The following TBX10 variants were observed in gnomAD, a reference collection of about 807,000 sequenced individuals.
TBX10 encodes T-box transcription factor 10, also known as T-box transcription factor TBX10.
In TBX10, 26 loss-of-function variants were observed where a neutral mutation model predicts 32.4. The observed-to-expected ratio is 0.80, with a 90% confidence interval of 0.59 to 1.11. TBX10 has a LOEUF of 1.11. Among genes scored for constraint, TBX10 ranks in the 50% most tolerant of loss-of-function variants. The pLI is 0.00. For missense variants in TBX10, 490 were observed against 494.5 expected, an observed-to-expected ratio of 0.99 and a Z score of 0.09; for synonymous variants, 195 against 203.1, an observed-to-expected ratio of 0.96 and a Z score of 0.34.
At position 67,639,436 on chromosome 11, in the gene TBX10, A is replaced by T; in HGVS notation, c.7+30T>A. On this transcript the variant is annotated intron_variant, in intron 1 of 7. Transcript: ENST00000335385. Reference sequence around the variant, plus strand: ...CCCTGGAACCTGAGCCTGACCCATGAGGCCACCTCTGCTTCAGAACGTAGC... The same window carrying T: ...CCCTGGAACCTGAGCCTGACCCATGTGGCCACCTCTGCTTCAGAACGTAGC... 2.7e-6 allele frequency: 4 copies of T among 1,476,174 alleles called. No homozygotes were observed. In the South Asian group the frequency reaches 4.5e-5, roughly 17 times the overall value. 91.4% of individuals were successfully genotyped at this position (1,476,174 alleles called of 1,614,324 possible). A position where few individuals can be genotyped will look rare whatever the true frequency, so the allele number is the denominator to read the frequency against.
In TBX10 at chr11:67,634,169, C is replaced by G; in HGVS notation, c.549+20G>C. 1 of 1,611,292 alleles carries G rather than the reference C, an allele frequency of 6.2e-7. No individual in the cohort carries two copies. The highest frequency in any genetic ancestry group is 8.5e-7 in the Non-Finnish European group (1 of 1,179,948). On this transcript the variant is annotated intron_variant, in intron 4 of 7. Coordinates refer to ENST00000335385, the MANE Select transcript of TBX10 (RefSeq NM_005995.5). ...CCCTGACCCCAGGCCCTTCCGTCCC[C>G]ACCGTGGCCCCGGCCTCACGTGGCC...
rs753535154 is a variant in TBX10 at position 67,631,607 on chromosome 11, A to T, written c.1156T>A (p.Ter386ArgextTer39). ...VCLGPGQDSQ[*>R] is the part of the protein sequence containing the mutation. ...GCTTCCCCCCAGGGCTTCTGGCATC[A>T]CTGGGAGTCCTGGCCAGGCCCCAGG... The change falls in exon 8 of 8, where the codon TGA becomes AGA. Residue 386 changes from the stop codon to arginine, a stop_lost. Transcript: ENST00000335385. 8 of 1,594,684 alleles carry T rather than the reference A, an allele frequency of 5.0e-6. No homozygotes were observed. Among genetic ancestry groups the T allele is most frequent in the Non-Finnish European group, 6.8e-6 (8 of 1,175,460 alleles).
chr11:67,637,219 A>G (rs1457991778), intron 1 of TBX10, among the ~76,000 whole-genome samples: 1 of 152,238 alleles, frequency 6.6e-6, no homozygotes, highest in Non-Finnish European at 1.5e-5. Context: ...AGGACAGAAT[A>G]TCAGTTCTGC....
rs3758939 is a variant in TBX10 at position 67,635,284 on chromosome 11, T to A, written c.8-21A>T. 25 of 1,612,488 alleles carry A rather than the reference T, an allele frequency of 1.6e-5. No individual in the cohort carries two copies. The East Asian group carries it at 5.1e-4, about 33-fold the overall frequency. On this transcript the variant is annotated intron_variant, in intron 1 of 7. Coordinates refer to ENST00000335385, the MANE Select transcript of TBX10 (RefSeq NM_005995.5). ...GAAGGCTGTGGAGAGAGGACGGAAG[T>A]GTGGGCCCCACGCATCACCCAGCCA...
At chr11:67,636,718 G>A (rs572994546) in intron 1 of TBX10, among the ~76,000 whole-genome samples, 1 of 151,692 alleles carries the variant, frequency 6.6e-6, no homozygotes, top group African/African-American at 2.4e-5. Flanking sequence ...GGCTTGTCTC[G>A]AACTCCTGAC....
intron 1 of TBX10, 56 bp downstream of exon 1, chr11:67,639,400 CTGCCCACCCA>C: frequency 2.8e-6 from 2 of 712,934 alleles, no homozygotes; most frequent in Non-Finnish European, 2.5e-6. Context: ...GGTTCCCACC[CTGCCCACCCA>C]CCCTGGAACC....
intron 4 of TBX10, among the ~76,000 whole-genome samples, chr11:67,633,908 G>A (rs977074977): frequency 6.6e-6 from 1 of 152,106 alleles, no homozygotes; most frequent in Non-Finnish European, 1.5e-5. Context: ...CACATAAAGC[G>A]GGCCCGGCCT....
At position 67,631,455 on chromosome 11, in the gene TBX10, G is replaced by A. The variant is rs1275254199; in HGVS notation, c.*150C>T. 2 of 1,010,792 alleles carry A rather than the reference G, an allele frequency of 2.0e-6. No individual in the cohort carries two copies. The highest frequency in any genetic ancestry group is 3.1e-5 in the South Asian group (2 of 65,332). 62.6% of individuals were successfully genotyped at this position (1,010,792 alleles called of 1,614,324 possible). A position where few individuals can be genotyped will look rare whatever the true frequency, so the allele number is the denominator to read the frequency against. On this transcript the variant is annotated 3_prime_UTR_variant, in exon 8 of 8. Transcript: ENST00000335385. ...CTTGCCATGGTCCCAGCCTTGCTGT[G>A]ACCCTGGGCAGGTAGCCTCTTTCTC...
chr11:67,633,907 C>A (rs191183815), intron 4 of TBX10, among the ~76,000 whole-genome samples: 1 of 152,180 alleles, frequency 6.6e-6, no homozygotes, highest in African/African-American at 2.4e-5. Context: ...ACACATAAAG[C>A]GGGCCCGGCC....
At chr11:67,638,276 A>G (rs1396115968) in intron 1 of TBX10, among the ~76,000 whole-genome samples, 1 of 149,832 alleles carries the variant, frequency 6.7e-6, no homozygotes. Flanking sequence ...AAATTGTGTT[A>G]TGTATATTTT....
intron 1 of TBX10, among the ~76,000 whole-genome samples, chr11:67,636,629 C>T (rs1855333032): frequency 6.6e-6 from 1 of 151,890 alleles, no homozygotes; most frequent in Non-Finnish European, 1.5e-5. Flanking sequence ...TCCCGAGTAG[C>T]TGGGATTACA....
intron 1 of TBX10, among the ~76,000 whole-genome samples, chr11:67,638,496 G>T (rs11820792): frequency 0.17 from 25,850 of 152,124 alleles, 2,302 homozygotes; most frequent in Non-Finnish European, 0.2. Context: ...TGGAGCAGAG[G>T]GGGGTGCTGG....
intron 1 of TBX10, among the ~76,000 whole-genome samples, chr11:67,638,600 G>T (rs1855362710): frequency 6.6e-6 from 1 of 152,214 alleles, no homozygotes; most frequent in Admixed American, 6.5e-5. Flanking sequence ...ACGGCACCTG[G>T]CCAGGGTGAG....
intron 7 of TBX10, 56 bp downstream of exon 7, chr11:67,632,262 C>A (rs1223519720): frequency 6.9e-6 from 11 of 1,600,892 alleles, no homozygotes; most frequent in Non-Finnish European, 8.6e-6. Flanking sequence ...GTCCCTTTGC[C>A]TTCCGCCCAC....
intron 1 of TBX10, among the ~76,000 whole-genome samples, chr11:67,638,947 G>A (rs915190532): frequency 6.6e-6 from 1 of 152,208 alleles, no homozygotes; most frequent in Non-Finnish European, 1.5e-5. Context: ...CACTGGGCCT[G>A]GAGGCTTTGC....
In TBX10 at chr11:67,635,396, C is replaced by T; in HGVS notation, c.8-133G>A. On this transcript the variant is annotated intron_variant, in intron 1 of 7. Transcript: ENST00000335385. Reference sequence around the variant, plus strand: ...AGGGCTGTGTTCTCACAGGATCCCCCACTCAGCATCACTCTGTGAGGTAAA... The same window carrying T: ...AGGGCTGTGTTCTCACAGGATCCCCTACTCAGCATCACTCTGTGAGGTAAA... The T allele has an allele frequency of 3.2e-6, 4 of 1,247,254 alleles. No homozygotes were observed. In the South Asian group the frequency reaches 5.2e-5, roughly 16 times the overall value. The allele number at this position is 1,247,254 out of a possible 1,614,324, so 77.3% of individuals were successfully genotyped here.
At chr11:67,632,189 C>T (rs2134097979) in intron 7 of TBX10, 129 bp downstream of exon 7, 15 of 1,105,866 alleles carry the variant, frequency 1.4e-5, no homozygotes, top group South Asian at 2.5e-5. Context: ...CTTCCCCCTC[C>T]GTGTGTCCAC....
At chr11:67,637,934 G>T (rs570656047) in intron 1 of TBX10, among the ~76,000 whole-genome samples, 1 of 152,162 alleles carries the variant, frequency 6.6e-6, no homozygotes, top group African/African-American at 2.4e-5. Context: ...TGGGCCGGGC[G>T]CGGTGGCTCA....
At chr11:67,633,884 T>C (rs1178197636) in intron 4 of TBX10, among the ~76,000 whole-genome samples, 2 of 152,206 alleles carry the variant, frequency 1.3e-5, no homozygotes, top group African/African-American at 2.4e-5. Context: ...CAAGTGTTAA[T>C]GATGCTGTGT....
Sources: gnomAD v4.1 joint callset for allele counts (sites outside exome capture counted in the v4.1 genomes callset) on GRCh38, gnomAD v4.1.1 for gene constraint, MANE v1.5 for transcripts, NCBI Gene and HGNC (gene_info 2026-07-23, HGNC 2026-07-21) for gene names.